Variants in DNAH11 observed in about 807,000 individuals in gnomAD.
DNAH11 encodes the protein dynein axonemal heavy chain 11.
In DNAH11, 442 loss-of-function variants were observed where a neutral mutation model predicts 526.0. The ratio of observed to expected loss-of-function variants is 0.84; its 90% confidence interval spans 0.78 to 0.91. The LOEUF (loss-of-function observed/expected upper bound fraction) is 0.91, where lower values mean the gene tolerates loss of function less well. DNAH11 is among the 40% of genes least tolerant of loss of function. DNAH11 has a pLI of 0.00. For synonymous variants in DNAH11, 2,461 were observed against 1,935.9 expected (o/e 1.27, Z -7.12); for missense variants, 6,989 against 5,448.7 (o/e 1.28, Z -8.90).
At chr7:21,707,982 A>G (rs893831021) in intron 40 of DNAH11, 147 bp downstream of exon 40, 14 of 775,724 alleles carry the variant, frequency 1.8e-5, no homozygotes, top group Non-Finnish European at 2.6e-5. Context: ...CAGCATTTAT[A>G]ATGTATAAAT....
chr7:21,662,216 C>T (rs1043538839), intron 30 of DNAH11, among the ~76,000 whole-genome samples: 2 of 152,074 alleles, frequency 1.3e-5, no homozygotes, highest in African/African-American at 4.8e-5. Flanking sequence ...TGATGGTGTC[C>T]AGTGTGGTAC....
intron 66 of DNAH11, among the ~76,000 whole-genome samples, chr7:21,847,911 A>T (rs1782477681): frequency 6.6e-6 from 1 of 152,128 alleles, no homozygotes; most frequent in Admixed American, 6.5e-5. Context: ...CACGCCTGTA[A>T]TCCCAGCACT....
chr7:21,618,709 A>C (rs1785900712), intron 23 of DNAH11, among the ~76,000 whole-genome samples: 1 of 152,220 alleles, frequency 6.6e-6, no homozygotes, highest in South Asian at 2.1e-4. Context: ...TTCAGTGAAT[A>C]GGGTTCTTTA....
rs575409135 is a variant in DNAH11 at position 21,761,455 on chromosome 7, G to A, written c.8941-3973G>A. On this transcript the variant is annotated intron_variant, in intron 54 of 81. Coordinates refer to ENST00000409508, the MANE Select transcript of DNAH11 (RefSeq NM_001277115.2). ...GTGTGTAGAGACCTAGATTCTACGCGTATTTAACAAACTGCAAAAACATTA... is the reference window on the plus strand; with the variant it reads ...GTGTGTAGAGACCTAGATTCTACGCATATTTAACAAACTGCAAAAACATTA... Among the ~76,000 whole-genome samples the A allele has an allele frequency of 1.4e-4, 22 of 152,228 alleles. 1 individual carries two copies. The highest frequency in any genetic ancestry group is 1.2e-3 in the East Asian group (6 of 5,178).
At chr7:21,869,434 A>G (rs565519107) in intron 73 of DNAH11, among the ~76,000 whole-genome samples, 1 of 152,182 alleles carries the variant, frequency 6.6e-6, no homozygotes, top group East Asian at 1.9e-4. Context: ...TCACACAACC[A>G]GAAAGGACTA....
chr7:21,744,915 C>T lies in DNAH11; in HGVS notation c.8362C>T (p.His2788Tyr). Reference sequence around the variant, plus strand: ...GCTTCAACAGCCCCTCATTTATTGCCACTTTGCTGATAGAGGGAAGGACCC... The same window carrying T: ...GCTTCAACAGCCCCTCATTTATTGCTACTTTGCTGATAGAGGGAAGGACCC... ...MLLQQPLIYC[H>Y]FADRGKDPHY... Residue 2788 changes from histidine (H) to tyrosine (Y), a missense_variant, in exon 51 of 82, where the codon CAC becomes TAC. Coordinates refer to ENST00000409508, the MANE Select transcript of DNAH11 (RefSeq NM_001277115.2). 6.2e-7 allele frequency: 1 copy of T among 1,611,142 alleles called. No homozygotes were observed. The highest frequency in any genetic ancestry group is 1.1e-5 in the South Asian group (1 of 90,216).
chr7:21,632,261 A>C (rs1194980662), intron 25 of DNAH11, among the ~76,000 whole-genome samples: 1 of 152,158 alleles, frequency 6.6e-6, no homozygotes, highest in African/African-American at 2.4e-5. Flanking sequence ...CAGGACTGAG[A>C]TGGGAGGGCC....
chr7:21,717,327 G>A (rs1261961333), intron 42 of DNAH11, among the ~76,000 whole-genome samples: 3 of 151,992 alleles, frequency 2.0e-5, no homozygotes, highest in Admixed American at 6.6e-5. Flanking sequence ...GAGACACTTT[G>A]AAATAGCCCC....
In DNAH11 at chr7:21,843,890, A is replaced by G. The variant is rs1279606604; in HGVS notation, c.10896+1142A>G. ...AATTTGGCAATAGTGTGTCTCAAAA[A>G]TTTAAATGAGATACATTAAGAATTA... On this transcript the variant is annotated intron_variant, in intron 66 of 81. Coordinates refer to ENST00000409508, the MANE Select transcript of DNAH11 (RefSeq NM_001277115.2). Among the ~76,000 whole-genome samples the G allele has an allele frequency of 2.6e-5, 4 of 152,234 alleles. No individual in the cohort carries two copies. The East Asian group carries it at 7.7e-4, about 29-fold the overall frequency.
At chr7:21,823,081 A>G (rs1328330267) in intron 65 of DNAH11, among the ~76,000 whole-genome samples, 1 of 143,980 alleles carries the variant, frequency 6.9e-6, no homozygotes, top group African/African-American at 2.6e-5. Flanking sequence ...TTGTCTCTTC[A>G]CTCCATTGAT....
chr7:21,829,126 T>C (rs10485983), intron 65 of DNAH11, among the ~76,000 whole-genome samples: 24,245 of 152,078 alleles, frequency 0.16, 2,148 homozygotes, highest in East Asian at 0.32. Context: ...GCTGTTGGAA[T>C]TCCCAAGTCT....
chr7:21,685,886 A>G (rs944908485), intron 32 of DNAH11, among the ~76,000 whole-genome samples: 1 of 152,204 alleles, frequency 6.6e-6, no homozygotes, highest in African/African-American at 2.4e-5. Context: ...ATTTCTGCAC[A>G]TACACCATTG....
At position 21,742,026 on chromosome 7, in the gene DNAH11, G is replaced by C. The variant is rs977598727; in HGVS notation, c.8014G>C (p.Ala2672Pro). The change falls in exon 49 of 82, where the codon GCT becomes CCT. Residue 2672 changes from alanine to proline, a missense_variant. Ala to Pro is a conservative substitution (Grantham distance 27). Coordinates refer to ENST00000409508, the MANE Select transcript of DNAH11 (RefSeq NM_001277115.2). ...FSFHFQQQAF[A>P]PSILRSGPTL... ...CTTCCATTTCCAACAGCAAGCATTTGCTCCATCAATTCTCAGGAGTGGCCC... is the reference window on the plus strand; with the variant it reads ...CTTCCATTTCCAACAGCAAGCATTTCCTCCATCAATTCTCAGGAGTGGCCC... 2 of 1,613,922 alleles carry C rather than the reference G, an allele frequency of 1.2e-6. No individual in the cohort carries two copies. The highest frequency in any genetic ancestry group is 3.3e-5 in the Admixed American group (2 of 60,002).
chr7:21,628,423 G>T (rs753137984), intron 25 of DNAH11, among the ~76,000 whole-genome samples: 29 of 152,168 alleles, frequency 1.9e-4, no homozygotes, highest in Middle Eastern at 3.4e-3. Flanking sequence ...GTTAGCTGTG[G>T]ATTTATTGTA....
At chr7:21,722,300 C>G (rs930052629) in intron 44 of DNAH11, among the ~76,000 whole-genome samples, 152 of 152,274 alleles carry the variant, frequency 1.0e-3, no homozygotes, top group African/African-American at 3.5e-3. Context: ...CTCCAAAAGC[C>G]ACACCTTCCA....
At chr7:21,817,036 T>A (rs1789824952) in intron 64 of DNAH11, among the ~76,000 whole-genome samples, 1 of 152,164 alleles carries the variant, frequency 6.6e-6, no homozygotes, top group South Asian at 2.1e-4. Context: ...ACAAGAATTG[T>A]CAAGGGTGCC....
chr7:21,676,734 A>G (rs556191130), intron 30 of DNAH11, among the ~76,000 whole-genome samples: 3 of 152,358 alleles, frequency 2.0e-5, no homozygotes, highest in South Asian at 4.1e-4. Context: ...CTTATAAGGC[A>G]TATGATATTA....
At chr7:21,586,726 A>T (rs755850104) in intron 9 of DNAH11, among the ~76,000 whole-genome samples, 16 of 152,254 alleles carry the variant, frequency 1.1e-4, no homozygotes, top group Admixed American at 2.6e-4. Flanking sequence ...CCTTGGATAC[A>T]GTTTATCTAC....
At chr7:21,621,017 A>G (rs1287234635) in intron 25 of DNAH11, among the ~76,000 whole-genome samples, 1 of 152,056 alleles carries the variant, frequency 6.6e-6, no homozygotes, top group Non-Finnish European at 1.5e-5. Flanking sequence ...TAGTGCCACA[A>G]TAAACATACG....
Sources: gnomAD v4.1 joint callset for allele counts (sites outside exome capture counted in the v4.1 genomes callset) on GRCh38, gnomAD v4.1.1 for gene constraint, MANE v1.5 for transcripts, NCBI Gene and HGNC (gene_info 2026-07-23, HGNC 2026-07-21) for gene names.